The following PRKN variants were observed in gnomAD, a reference collection of about 807,000 sequenced individuals.
PRKN encodes parkin RBR E3 ubiquitin protein ligase, also known as E3 ubiquitin-protein ligase parkin.
In PRKN, 56 loss-of-function variants were observed where a neutral mutation model predicts 59.5. That is an observed-to-expected ratio of 0.94 (90% CI 0.76 to 1.18). The LOEUF (loss-of-function observed/expected upper bound fraction) is 1.18. Ranked by LOEUF, PRKN falls within the 50% of genes most tolerant of loss-of-function variation. The pLI, the probability that PRKN is intolerant of heterozygous loss-of-function variation, is 0.00. For missense variants in PRKN, 657 were observed against 596.4 expected (o/e 1.10, Z -1.06); for synonymous variants, 250 against 222.1 (o/e 1.13, Z -1.12).
intron 6 of PRKN, among the ~76,000 whole-genome samples, chr6:161,889,239 A>C (rs1231599221): frequency 6.6e-6 from 1 of 150,820 alleles, no homozygotes; most frequent in Non-Finnish European, 1.5e-5. Context: ...AGAATGAAGA[A>C]TGGACAAAAC....
At chr6:161,786,007 A>G in intron 6 of PRKN, 99 bp from the exon 7 acceptor site, 2 of 1,221,574 alleles carry the variant, frequency 1.6e-6, no homozygotes, top group Non-Finnish European at 2.4e-6. Flanking sequence ...GGTTGTGTAG[A>G]CTGTGCTCTG....
intron 1 of PRKN, among the ~76,000 whole-genome samples, chr6:162,572,021 G>C (rs1780353037): frequency 6.6e-6 from 1 of 152,012 alleles, no homozygotes; most frequent in East Asian, 1.9e-4. Flanking sequence ...TGCAAACCTA[G>C]GATTGAACAA....
intron 4 of PRKN, among the ~76,000 whole-genome samples, chr6:162,188,777 C>CG (rs1784137534): frequency 9.5e-6 from 1 of 105,466 alleles, no homozygotes; most frequent in Admixed American, 1.2e-4. Context: ...CCTTAGATTT[C>CG]GTTTTTTTTT....
intron 1 of PRKN, among the ~76,000 whole-genome samples, chr6:162,710,503 G>C (rs903276300): frequency 6.6e-6 from 1 of 151,892 alleles, no homozygotes; most frequent in Non-Finnish European, 1.5e-5. Flanking sequence ...AAGGCACACT[G>C]AACTCTACTA....
chr6:162,378,486 G>C (rs1786248016), intron 2 of PRKN, among the ~76,000 whole-genome samples: 1 of 152,234 alleles, frequency 6.6e-6, no homozygotes, highest in South Asian at 2.1e-4. Context: ...TATGTAAGAA[G>C]AGCAACGTCA....
chr6:161,556,037 G>A (rs558197446), intron 8 of PRKN, among the ~76,000 whole-genome samples: 1 of 152,238 alleles, frequency 6.6e-6, no homozygotes, highest in East Asian at 1.9e-4. Context: ...TATGACAATA[G>A]CTTTTATCTC....
At chr6:161,809,998 T>C (rs761958506) in intron 6 of PRKN, among the ~76,000 whole-genome samples, 29 of 152,248 alleles carry the variant, frequency 1.9e-4, no homozygotes, top group Non-Finnish European at 3.8e-4. Flanking sequence ...GTATTCATAC[T>C]CATACATACA....
chr6:162,675,399 T>C (rs896390317), intron 1 of PRKN, among the ~76,000 whole-genome samples: 1 of 152,008 alleles, frequency 6.6e-6, no homozygotes, highest in South Asian at 2.1e-4. Flanking sequence ...AAGGAGGTGA[T>C]GATATTCAAC....
intron 7 of PRKN, among the ~76,000 whole-genome samples, chr6:161,684,698 T>A (rs1785490622): frequency 6.6e-6 from 1 of 151,862 alleles, no homozygotes; most frequent in South Asian, 2.1e-4. Context: ...TATTTTAAAA[T>A]GAGATAATTT....
At chr6:161,501,836 G>A (rs1352948375) in intron 9 of PRKN, among the ~76,000 whole-genome samples, 3 of 152,142 alleles carry the variant, frequency 2.0e-5, no homozygotes, top group South Asian at 4.1e-4. Flanking sequence ...GACAGACAGG[G>A]GTTTCCTTCA....
intron 6 of PRKN, among the ~76,000 whole-genome samples, chr6:161,935,554 C>CAAAAAAAAAA (rs773798640): frequency 1.2e-5 from 1 of 82,646 alleles, no homozygotes. Flanking sequence ...ACCTTGTTTC[C>CAAAAAAAAAA]AAAAAAAAAA....
chr6:162,122,934 C>T (rs1780976726), intron 4 of PRKN, among the ~76,000 whole-genome samples: 1 of 151,632 alleles, frequency 6.6e-6, no homozygotes, highest in South Asian at 2.1e-4. Context: ...GTCTTCTCAG[C>T]TCTGGGCTCT....
intron 1 of PRKN, among the ~76,000 whole-genome samples, chr6:162,640,721 C>G (rs1777925094): frequency 6.6e-6 from 1 of 152,198 alleles, no homozygotes; most frequent in Non-Finnish European, 1.5e-5. Flanking sequence ...CTGATACAGT[C>G]TGCAAGTTGT....
chr6:162,251,058 G>C (rs768920537), intron 3 of PRKN, among the ~76,000 whole-genome samples: 1 of 151,916 alleles, frequency 6.6e-6, no homozygotes, highest in Non-Finnish European at 1.5e-5. Context: ...ATCTCCACTA[G>C]CTTTCAAATA....
intron 4 of PRKN, among the ~76,000 whole-genome samples, chr6:162,185,643 T>C (rs1484333262): frequency 6.6e-6 from 1 of 152,168 alleles, no homozygotes; most frequent in African/African-American, 2.4e-5. Flanking sequence ...GGTCCACATT[T>C]CAGCTAATTT....
intron 2 of PRKN, among the ~76,000 whole-genome samples, chr6:162,399,755 A>C (rs1022897009): frequency 1.9e-4 from 29 of 152,310 alleles, no homozygotes; most frequent in African/African-American, 7.0e-4. Context: ...CAAGAGCTGG[A>C]GACATAACAG....
intron 1 of PRKN, among the ~76,000 whole-genome samples, chr6:162,490,232 C>T (rs545312395): frequency 3.3e-5 from 5 of 152,164 alleles, no homozygotes; most frequent in Admixed American, 1.3e-4. Context: ...AATCATTTGT[C>T]GGGGGGAAAA....
chr6:161,665,630 C>T (rs1393353022), intron 7 of PRKN, among the ~76,000 whole-genome samples: 6 of 152,198 alleles, frequency 3.9e-5, no homozygotes, highest in Admixed American at 3.9e-4. Context: ...GTTCATTCTA[C>T]ATCAAAATCT....
rs1397528048 is a variant in PRKN at position 161,680,762 on chromosome 6, TATATATATA to T, written c.871+105001_871+105009del. 1.9e-3 allele frequency among the ~76,000 whole-genome samples: 35 copies of T among 18,226 alleles called. 2 individuals carry two copies. Among genetic ancestry groups the T allele is most frequent in the African/African-American group, 4.8e-3 (26 of 5,396 alleles). The allele number at this position is 18,226 out of a possible 152,430, so 12.0% of individuals were successfully genotyped here. A position where few individuals can be genotyped will look rare whatever the true frequency, so the allele number is the denominator to read the frequency against. ...ATATATATATATATATATATATATA[TATATATATA>T]TATATTTTTTTTTTTTTTTCTTTTC... On this transcript the variant is annotated intron_variant, in intron 7 of 11. Coordinates refer to ENST00000366898, the MANE Select transcript of PRKN (RefSeq NM_004562.3).
Sources: allele counts gnomAD v4.1 joint callset (sites outside exome capture counted in the v4.1 genomes callset), GRCh38; gene constraint gnomAD v4.1.1; transcripts MANE v1.5; gene names NCBI Gene and HGNC (gene_info 2026-07-23, HGNC 2026-07-21).